Variants in MAGEA4 observed in about 807,000 individuals in gnomAD.
The protein encoded by MAGEA4 is MAGE family member A4, also known as melanoma-associated antigen 4.
A neutral mutation model predicts 13.7 loss-of-function variants in MAGEA4; 1 was observed. The observed-to-expected ratio is 0.07, with a 90% confidence interval of 0.03 to 0.35. MAGEA4 has a LOEUF of 0.35. MAGEA4 is among the 10% of genes least tolerant of loss of function. The pLI, the probability that MAGEA4 is intolerant of heterozygous loss-of-function variation, is 0.99. For missense variants in MAGEA4, 312 were observed against 245.1 expected (o/e 1.27, Z -1.82); for synonymous variants, 132 against 101.1 (o/e 1.31, Z -1.83).
rs1933630847 is a variant in MAGEA4, at chrX:151,924,694, C to T, written c.*76C>T. On this transcript the variant is annotated 3_prime_UTR_variant, in exon 3 of 3. Transcript: ENST00000276344. The stretch of plus-strand genomic sequence containing the variant: ...ATCTAACAGCCCTGTGCAGCAGCTT[C>T]CCTTGCCTCGTGTAACATGAGGCCC... 1 of 1,041,714 alleles carries T rather than the reference C, an allele frequency of 9.6e-7. No individual in the cohort carries two copies. Among genetic ancestry groups the T allele is most frequent in the Non-Finnish European group, 1.3e-6 (1 of 783,907 alleles). 85.8% of individuals were successfully genotyped at this position (1,041,714 alleles called of 1,213,427 possible).
intron 1 of MAGEA4, chrX:151,919,578 C>T (rs1159945467): frequency 1.7e-5 from 12 of 694,459 alleles, no homozygotes; most frequent in African/African-American, 2.5e-5. Context: ...GTTCTGCTTC[C>T]GCTTTCAACC....
intron 1 of MAGEA4, chrX:151,919,754 C>A (rs1369662691): frequency 1.3e-6 from 1 of 750,159 alleles, no homozygotes; most frequent in Non-Finnish European, 1.6e-6. Flanking sequence ...CAGGAGGCCC[C>A]CACCGCAGAT....
At chrX:151,919,603 G>A in intron 1 of MAGEA4, 1 of 737,622 alleles carries the variant, frequency 1.4e-6, no homozygotes, top group South Asian at 7.0e-5. Flanking sequence ...AAAGCCGCAG[G>A]TGCCGGAATG....
intron 1 of MAGEA4, chrX:151,918,906 C>G (rs1218507652): frequency 3.3e-5 from 24 of 730,676 alleles, no homozygotes; most frequent in South Asian, 1.5e-4. Flanking sequence ...TCTTTCAACC[C>G]AAGAAAGCCC....
Position 151,923,773 on chromosome X carries a change from G to A in MAGEA4, c.109G>A (p.Glu37Lys). 1 of 1,208,671 alleles carries A rather than the reference G, an allele frequency of 8.3e-7. No individual in the cohort carries two copies. Among genetic ancestry groups the A allele is most frequent in the Non-Finnish European group, 1.1e-6 (1 of 894,844 alleles). The change falls in exon 3 of 3, where the codon GAG becomes AAG. Residue 37 changes from glutamate to lysine, a missense_variant. Coordinates refer to ENST00000276344, the MANE Select transcript of MAGEA4 (RefSeq NM_001011548.1). The part of the protein sequence containing the change: ...GAQAPTTEEQ[E>K]AAVSSSSPLV... ...ACAGGCTCCTACTACTGAGGAGCAG[G>A]AGGCTGCTGTCTCCTCCTCCTCTCC...
At chrX:151,919,868 C>A (rs1357694707) in intron 1 of MAGEA4, 1 of 415,538 alleles carries the variant, frequency 2.4e-6, no homozygotes, top group Non-Finnish European at 3.0e-6. Context: ...CCTCTGAAGT[C>A]GCACGGGACT....
At chrX:151,923,381 A>G (rs901641079) in intron 1 of MAGEA4, 72 bp from the exon 2 acceptor site, 38 of 892,745 alleles carry the variant, frequency 4.3e-5, no homozygotes, top group Non-Finnish European at 5.4e-5. Context: ...TCACCTCCCT[A>G]CCATCAATCC....
chrX:151,913,744 T>G (rs1189533638), intron 1 of MAGEA4: 2 of 365,423 alleles, frequency 5.5e-6, no homozygotes, highest in South Asian at 1.4e-4. Context: ...TGCAGGGGAC[T>G]CTGGAGTCAG....
In MAGEA4 at chrX:151,924,456, C is replaced by T; in HGVS notation, c.792C>T (p.Gly264=). 1 of 1,211,752 alleles carries T rather than the reference C, an allele frequency of 8.3e-7. No individual in the cohort carries two copies. The highest frequency in any genetic ancestry group is 1.1e-6 in the Non-Finnish European group (1 of 895,452). ...ACCTGGAGTACCGGCAGGTACCCGG[C>T]AGTAATCCTGCGCGCTATGAGTTCC... ...ENYLEYRQVP[G]SNPARYEFLW... The change falls in exon 3 of 3, where the codon GGC becomes GGT. Residue 264 remains glycine, a synonymous_variant. Transcript: ENST00000276344.
intron 1 of MAGEA4, among the ~76,000 whole-genome samples, chrX:151,921,498 G>A (rs1439422617): frequency 8.9e-6 from 1 of 112,178 alleles, no homozygotes; most frequent in African/African-American, 3.2e-5. Context: ...AAGCTACAGG[G>A]GACTCTAGAG....
chrX:151,919,205 G>T (rs1293266527), intron 1 of MAGEA4, among the ~76,000 whole-genome samples: 2 of 106,398 alleles, frequency 1.9e-5, no homozygotes, highest in Non-Finnish European at 3.9e-5. Flanking sequence ...TGGAGTCCGA[G>T]CTTGGGGTGG....
chrX:151,924,551 C>G lies in MAGEA4; in HGVS notation c.887C>G (p.Ala296Gly), dbSNP rs951864399. 3 of 1,206,518 alleles carry G rather than the reference C, an allele frequency of 2.5e-6. No individual in the cohort carries two copies. The highest frequency in any genetic ancestry group is 1.8e-5 in the South Asian group (1 of 55,694). The stretch of plus-strand genomic sequence containing the variant: ...CTGGAGCATGTGGTCAGGGTCAATG[C>G]AAGAGTTCGCATTGCCTACCCATCC... Reference protein sequence around the residue: ...KVLEHVVRVNARVRIAYPSLR... With the variant: ...KVLEHVVRVNGRVRIAYPSLR... Residue 296 changes from alanine (A) to glycine (G), a missense_variant, in exon 3 of 3, where the codon GCA (alanine) becomes GGA (glycine). Coordinates refer to ENST00000276344, the MANE Select transcript of MAGEA4 (RefSeq NM_001011548.1).
At position 151,919,156 on chromosome X, in the gene MAGEA4, C is replaced by T. The variant is rs764569103; in HGVS notation, c.-137-4297C>T. The T allele has an allele frequency of 2.2e-4, 119 of 545,375 alleles. 1 individual carries two copies. In the East Asian group the frequency reaches 0.018, roughly 81 times the overall value. The allele number at this position is 545,375 out of a possible 1,213,427, so 44.9% of individuals were successfully genotyped here. On this transcript the variant is annotated intron_variant, in intron 1 of 2. Coordinates refer to ENST00000276344, the MANE Select transcript of MAGEA4 (RefSeq NM_001011548.1). Reference sequence around the variant, plus strand: ...CGTGGGCTGACTTCTGAGTCTGGGGCGCCCTCCACCCCACTGCGTCTGAAG... The same window carrying T: ...CGTGGGCTGACTTCTGAGTCTGGGGTGCCCTCCACCCCACTGCGTCTGAAG...
chrX:151,921,371 G>A (rs1241828944), intron 1 of MAGEA4, among the ~76,000 whole-genome samples: 1 of 112,366 alleles, frequency 8.9e-6, no homozygotes, highest in African/African-American at 3.2e-5. Context: ...AAGGACTGAG[G>A]AGGCCCCCAC....
chrX:151,912,877 G>C (rs1400431504), upstream of MAGEA4: 1 of 138,171 alleles, frequency 7.2e-6, no homozygotes. Flanking sequence ...ACTGACTTGC[G>C]CACTGGGGGT....
rs139539716 is a variant in MAGEA4, at chrX:151,924,377, C to G, written c.713C>G (p.Thr238Ser). The G allele has an allele frequency of 7.3e-5, 88 of 1,208,697 alleles. No individual in the cohort carries two copies. Among genetic ancestry groups the G allele is most frequent in the African/African-American group, 6.3e-4 (36 of 57,217 alleles). Reference protein sequence around the residue: ...VMGVYDGREHTVYGEPRKLLT... With the variant: ...VMGVYDGREHSVYGEPRKLLT... ...GGGGTGTATGATGGGAGGGAGCACACTGTCTATGGGGAGCCCAGGAAACTG... is the reference window on the plus strand; with the variant it reads ...GGGGTGTATGATGGGAGGGAGCACAGTGTCTATGGGGAGCCCAGGAAACTG... The change falls in exon 3 of 3, where the codon ACT becomes AGT. Residue 238 changes from threonine (T) to serine (S), a missense_variant. Coordinates refer to ENST00000276344, the MANE Select transcript of MAGEA4 (RefSeq NM_001011548.1).
intron 1 of MAGEA4, among the ~76,000 whole-genome samples, chrX:151,921,648 C>G (rs1933445619): frequency 8.9e-6 from 1 of 112,262 alleles, no homozygotes; most frequent in Non-Finnish European, 1.9e-5. Context: ...CTCCGTTTTG[C>G]AGAATCCATT....
At chrX:151,917,878 A>G (rs1164718322) in intron 1 of MAGEA4, among the ~76,000 whole-genome samples, 1 of 99,800 alleles carries the variant, frequency 1.0e-5, no homozygotes, top group African/African-American at 3.7e-5. Context: ...TAGTGAGGCC[A>G]GGCTCTGCCG....
rs1384708743 is a variant in MAGEA4 at position 151,915,939 on chromosome X, C to T, written c.-138+2970C>T. ...CCCTTTCCCATTACCATTTGCACTC[C>T]CAAACCATCCACGCCCCATCCCCCA... is the stretch of plus-strand genomic sequence containing the variant. On this transcript the variant is annotated intron_variant, in intron 1 of 2. Coordinates refer to ENST00000276344, the MANE Select transcript of MAGEA4 (RefSeq NM_001011548.1). Among the ~76,000 whole-genome samples, 63 of 17,906 alleles carry T rather than the reference C, an allele frequency of 3.5e-3. 6 individuals carry two copies. Among genetic ancestry groups the T allele is most frequent in the African/African-American group, 0.024 (57 of 2,337 alleles). 15.5% of individuals were successfully genotyped at this position (17,906 alleles called of 115,157 possible). A position where few individuals can be genotyped will look rare whatever the true frequency, so the allele number is the denominator to read the frequency against.
Sources: allele counts gnomAD v4.1 joint callset (sites outside exome capture counted in the v4.1 genomes callset), GRCh38; gene constraint gnomAD v4.1.1; transcripts MANE v1.5; gene names NCBI Gene and HGNC (gene_info 2026-07-23, HGNC 2026-07-21).